Variants in DORIP1 observed in about 807,000 individuals in gnomAD.
DORIP1 encodes the protein dopamine receptor interacting protein 1.
At chr14:44,903,544 C>A in the DORIP1 span, 4 of 1,086,846 alleles carry the variant, frequency 3.7e-6, no homozygotes, top group African/African-American at 6.6e-5. Context: ...CCTTGGTTAA[C>A]TGGAACCCAG....
the DORIP1 span, chr14:44,906,805 C>T: frequency 2.0e-5 from 3 of 152,268 alleles, no homozygotes; most frequent in South Asian, 4.2e-4. Context: ...TGCTTGGTGC[C>T]ATGTTGAGAA....
chr14:44,900,611 T>C, the DORIP1 span: 17 of 1,610,046 alleles, frequency 1.1e-5, no homozygotes, highest in Non-Finnish European at 1.4e-5. Flanking sequence ...ACCTGCACCA[T>C]AGATGGATTC....
the DORIP1 span, chr14:44,898,923 C>T: frequency 6.6e-6 from 1 of 152,162 alleles, no homozygotes; most frequent in Non-Finnish European, 1.5e-5. Flanking sequence ...AGGACTGCAG[C>T]TTTATTAAGT....
At chr14:44,904,175 T>A in the DORIP1 span, 4 of 985,240 alleles carry the variant, frequency 4.1e-6, no homozygotes, top group African/African-American at 1.7e-5. Context: ...TTCCTGGAGT[T>A]TTAAACGTGT....
chr14:44,899,901 G>C, the DORIP1 span, among the ~76,000 whole-genome samples: 2 of 141,102 alleles, frequency 1.4e-5, no homozygotes, highest in Non-Finnish European at 1.5e-5. Context: ...GCGTGATCTC[G>C]GCTCACCGCA....
At chr14:44,897,517 G>C in the DORIP1 span, 1 of 202,576 alleles carries the variant, frequency 4.9e-6, no homozygotes, top group Non-Finnish European at 9.7e-6. Context: ...CCATGAGCAG[G>C]CGGCGGCGGC....
the DORIP1 span, chr14:44,904,090 G>C: frequency 3.0e-6 from 3 of 985,150 alleles, no homozygotes. Context: ...CCAGCATATA[G>C]AGTGAAATAT....
At chr14:44,903,234 C>T in the DORIP1 span, 2 of 1,613,132 alleles carry the variant, frequency 1.2e-6, no homozygotes, top group Non-Finnish European at 1.7e-6. Flanking sequence ...CACATGGAAA[C>T]TTGATAAGAC....
the DORIP1 span, chr14:44,904,566 T>TA: frequency 1.6e-5 from 24 of 1,532,518 alleles, no homozygotes; most frequent in Admixed American, 8.7e-5. Flanking sequence ...ATAAAACTAA[T>TA]AAAAAAAATT....
the DORIP1 span, chr14:44,904,609 TAA>T: frequency 7.6e-7 from 1 of 1,312,198 alleles, no homozygotes; most frequent in African/African-American, 1.5e-5. Flanking sequence ...GACTAGCCCT[TAA>T]GAGATATTGT....
At chr14:44,905,496 C>A in the DORIP1 span, 1 of 1,553,814 alleles carries the variant, frequency 6.4e-7, no homozygotes. Context: ...TAAATAAACC[C>A]CCAGAGTTTC....
At chr14:44,904,096 A>G in the DORIP1 span, 1 of 985,334 alleles carries the variant, frequency 1.0e-6, no homozygotes, top group Non-Finnish European at 1.2e-6. Context: ...TATAGAGTGA[A>G]ATATAAAAGC....
the DORIP1 span, chr14:44,904,775 A>G: frequency 1.5e-4 from 49 of 331,774 alleles, no homozygotes; most frequent in Admixed American, 8.7e-4. Flanking sequence ...ATCTTTTATA[A>G]GTTAACCTTG....
the DORIP1 span, among the ~76,000 whole-genome samples, chr14:44,899,507 T>G: frequency 4.6e-5 from 7 of 152,242 alleles, no homozygotes; most frequent in Non-Finnish European, 1.0e-4. Flanking sequence ...ATTTTCATGA[T>G]TACTCCTCAT....
the DORIP1 span, among the ~76,000 whole-genome samples, chr14:44,898,665 T>C: frequency 6.6e-6 from 1 of 152,186 alleles, no homozygotes; most frequent in Admixed American, 6.5e-5. Context: ...GAGTTTGTGT[T>C]TTCCTAGGCT....
chr14:44,900,196 A>C, the DORIP1 span, among the ~76,000 whole-genome samples: 5 of 152,086 alleles, frequency 3.3e-5, no homozygotes, highest in African/African-American at 9.7e-5. Flanking sequence ...ATTAATATAA[A>C]GCCTATCAAA....
chr14:44,903,638 C>CCTAA, the DORIP1 span: 1 of 996,522 alleles, frequency 1.0e-6, no homozygotes, highest in Non-Finnish European at 1.2e-6. Flanking sequence ...AAAAACTTAA[C>CCTAA]CTAGTAAAAG....
the DORIP1 span, chr14:44,905,381 G>C: frequency 2.6e-5 from 40 of 1,522,586 alleles, 1 homozygote; most frequent in South Asian, 5.2e-4. Flanking sequence ...TTGTTGGAAG[G>C]TGCCACATTA....
the DORIP1 span, among the ~76,000 whole-genome samples, chr14:44,898,575 G>A: frequency 6.4e-4 from 98 of 152,190 alleles, no homozygotes; most frequent in African/African-American, 2.3e-3. Context: ...AGTTATTTTC[G>A]TTTTTAAAGT....
Sources: allele counts gnomAD v4.1 joint callset (sites outside exome capture counted in the v4.1 genomes callset), GRCh38; gene constraint gnomAD v4.1.1; transcripts MANE v1.5; gene names NCBI Gene and HGNC (gene_info 2026-07-23, HGNC 2026-07-21).